The following DMD variants were observed in gnomAD, a reference collection of about 807,000 sequenced individuals.
DMD encodes the protein mutant dystrophin.
In DMD, 63 loss-of-function variants were observed where a neutral mutation model predicts 330.1. The observed-to-expected ratio is 0.19, with a 90% CI of 0.16 to 0.24. The LOEUF (loss-of-function observed/expected upper bound fraction) is 0.24. DMD is among the 10% of genes least tolerant of loss of function. The pLI, the probability that DMD is intolerant of heterozygous loss-of-function variation, is 1.00. For missense variants in DMD, 3,344 were observed against 2,684.1 expected, an observed-to-expected ratio of 1.25 and a Z score of -5.43; for synonymous variants, 1,223 against 959.8, an observed-to-expected ratio of 1.27 and a Z score of -5.07.
At chrX:32,331,700 T>A (rs1822066610) in intron 41 of DMD, among the ~76,000 whole-genome samples, 1 of 111,785 alleles carries the variant, frequency 8.9e-6, no homozygotes, top group African/African-American at 3.2e-5. Flanking sequence ...AGCCATAATC[T>A]AACTATAAAA....
intron 1 of DMD, among the ~76,000 whole-genome samples, chrX:33,228,226 G>A (rs1217233845): frequency 9.1e-6 from 1 of 109,448 alleles, no homozygotes; most frequent in East Asian, 2.8e-4. Context: ...GGAATATTGA[G>A]AAGTATGATG....
chrX:32,161,029 A>T (rs944675214), intron 44 of DMD, among the ~76,000 whole-genome samples: 2 of 111,563 alleles, frequency 1.8e-5, no homozygotes, highest in Non-Finnish European at 3.8e-5. Context: ...CTTGGTGTGA[A>T]GAGCTCTGAC....
At chrX:33,218,796 G>GT (rs963660631) in intron 1 of DMD, among the ~76,000 whole-genome samples, 4 of 111,055 alleles carry the variant, frequency 3.6e-5, no homozygotes, top group African/African-American at 9.8e-5. Flanking sequence ...TTTAAAAATC[G>GT]TTTTTTTCCT....
At chrX:31,136,298 T>A (rs1199878025) in intron 76 of DMD, among the ~76,000 whole-genome samples, 1 of 111,976 alleles carries the variant, frequency 8.9e-6, no homozygotes, top group African/African-American at 3.2e-5. Flanking sequence ...CTCACACACA[T>A]GCACTATTTG....
intron 26 of DMD, among the ~76,000 whole-genome samples, chrX:32,450,256 C>T (rs1339509524): frequency 9.0e-6 from 1 of 110,574 alleles, no homozygotes; most frequent in Non-Finnish European, 1.9e-5. Context: ...CTATAAAATG[C>T]CTTTGTATGT....
chrX:32,598,887 G>A lies in DMD; in HGVS notation c.1483-3011C>T, dbSNP rs772346166. Among the ~76,000 whole-genome samples, 10 of 111,719 alleles carry A rather than the reference G, an allele frequency of 9.0e-5. No individual in the cohort carries two copies. The East Asian group carries it at 1.1e-3, about 13-fold the overall frequency. On this transcript the variant is annotated intron_variant, in intron 12 of 78. Coordinates refer to ENST00000357033, the MANE Select transcript of DMD (RefSeq NM_004006.3). ...TAACACAAGAACCCTCTGGACTTAC[G>A]GTGAGTACAAGGAAATAAAGGAGTG...
intron 63 of DMD, among the ~76,000 whole-genome samples, chrX:31,238,423 T>G (rs763661186): frequency 8.9e-6 from 1 of 111,854 alleles, no homozygotes; most frequent in South Asian, 3.8e-4. Context: ...GACTCTTACT[T>G]CAGCTCTTTT....
chrX:32,216,770 G>A (rs1208497772), intron 44 of DMD, 146 bp downstream of exon 44: 1 of 532,707 alleles, frequency 1.9e-6, no homozygotes, highest in Non-Finnish European at 3.1e-6. Flanking sequence ...TTATCATTAT[G>A]ATAATTTTCT....
At chrX:33,096,055 A>G (rs1311342151) in intron 1 of DMD, among the ~76,000 whole-genome samples, 1 of 95,264 alleles carries the variant, frequency 1.0e-5, no homozygotes, top group Non-Finnish European at 2.0e-5. Flanking sequence ...GCTCACTGCA[A>G]CCTCCGCCTC....
At chrX:33,321,551 C>T (rs2054015573) in intron 1 of DMD, among the ~76,000 whole-genome samples, 1 of 111,861 alleles carries the variant, frequency 8.9e-6, no homozygotes, top group Non-Finnish European at 1.9e-5. Flanking sequence ...AGAGCAAAGG[C>T]TAAGTCTATT....
At chrX:31,636,252 T>C (rs779044024) in intron 54 of DMD, among the ~76,000 whole-genome samples, 4 of 111,446 alleles carry the variant, frequency 3.6e-5, no homozygotes, top group Non-Finnish European at 5.7e-5. Flanking sequence ...CTACGCTTAA[T>C]ACCTGGGTAA....
chrX:32,344,680 A>C (rs941882224), intron 39 of DMD, among the ~76,000 whole-genome samples: 2 of 111,330 alleles, frequency 1.8e-5, no homozygotes, highest in Non-Finnish European at 3.8e-5. Context: ...TCATTTCCTA[A>C]GCACAAAGTG....
chrX:32,749,057 G>T (rs1318944418), intron 7 of DMD, among the ~76,000 whole-genome samples: 1 of 112,020 alleles, frequency 8.9e-6, no homozygotes, highest in Non-Finnish European at 1.9e-5. Context: ...AGAAGCCAAT[G>T]TGGGGAGGAA....
At chrX:31,518,316 G>T (rs779580323) in intron 55 of DMD, among the ~76,000 whole-genome samples, 139 of 111,178 alleles carry the variant, frequency 1.3e-3, no homozygotes, top group African/African-American at 4.4e-3. Context: ...TTTTAATACT[G>T]CATCTAAAAT....
chrX:31,547,081 G>A (rs753565837), intron 55 of DMD, among the ~76,000 whole-genome samples: 15 of 112,152 alleles, frequency 1.3e-4, no homozygotes, highest in Admixed American at 3.8e-4. Flanking sequence ...TTTCCATCAC[G>A]TAACTGGAAT....
At chrX:32,628,290 TTTTTTAA>T (rs2058498648) in intron 11 of DMD, among the ~76,000 whole-genome samples, 1 of 73,211 alleles carries the variant, frequency 1.4e-5, no homozygotes, top group African/African-American at 7.5e-5. Flanking sequence ...TTTTTTTTTT[TTTTTTAA>T]GCTCTCACAA....
At chrX:31,454,509 T>C (rs1053662286) in intron 59 of DMD, among the ~76,000 whole-genome samples, 1 of 111,780 alleles carries the variant, frequency 8.9e-6, no homozygotes, top group South Asian at 3.7e-4. Context: ...TTAACCACCA[T>C]TGTCCCTGAA....
At chrX:31,624,016 T>C (rs777811470) in intron 55 of DMD, among the ~76,000 whole-genome samples, 1 of 111,644 alleles carries the variant, frequency 9.0e-6, no homozygotes, top group East Asian at 2.8e-4. Context: ...CCCAGGGTTT[T>C]ATGGTAGTAC....
At chrX:32,259,478 T>C (rs2097312991) in intron 43 of DMD, among the ~76,000 whole-genome samples, 1 of 111,320 alleles carries the variant, frequency 9.0e-6, no homozygotes, top group African/African-American at 3.3e-5. Flanking sequence ...ATATGAAATA[T>C]AAAAATTCAC....
Sources: allele counts gnomAD v4.1 joint callset (sites outside exome capture counted in the v4.1 genomes callset), GRCh38; gene constraint gnomAD v4.1.1; transcripts MANE v1.5; gene names NCBI Gene and HGNC (gene_info 2026-07-23, HGNC 2026-07-21).